PRKAG2: variants seen among roughly 807,000 people sequenced by gnomAD.
PRKAG2 encodes 5'-AMP-activated protein kinase subunit gamma-2.
PRKAG2 carries 26 observed loss-of-function variants against 69.6 expected under a neutral mutation model. That is an observed-to-expected ratio of 0.37 (90% CI 0.27 to 0.52). The LOEUF is 0.52. Among genes scored for constraint, PRKAG2 ranks in the 20% least tolerant of loss-of-function variants. PRKAG2 has a pLI of 0.90. For missense variants in PRKAG2, 557 were observed against 740.0 expected, an observed-to-expected ratio of 0.75 and a Z score of 2.87; for synonymous variants, 293 against 285.0, an observed-to-expected ratio of 1.03 and a Z score of -0.28.
intron 3 of PRKAG2, among the ~76,000 whole-genome samples, chr7:151,776,161 A>G (rs1014310067): frequency 6.6e-6 from 1 of 152,212 alleles, no homozygotes; most frequent in Admixed American, 6.5e-5. Flanking sequence ...TCTCAAGGGC[A>G]CCAACATGAG....
chr7:151,712,625 G>A (rs538593303), intron 3 of PRKAG2, among the ~76,000 whole-genome samples: 123 of 152,370 alleles, frequency 8.1e-4, no homozygotes, highest in African/African-American at 2.9e-3. Context: ...CTGGGCTGCA[G>A]GTCCAGGAGG....
intron 3 of PRKAG2, among the ~76,000 whole-genome samples, chr7:151,769,116 C>T (rs899586134): frequency 2.0e-5 from 3 of 152,202 alleles, no homozygotes; most frequent in African/African-American, 7.2e-5. Context: ...TGTTTTACTG[C>T]ATTTAAGAGT....
chr7:151,773,905 C>T lies in PRKAG2; in HGVS notation c.466+7247G>A, dbSNP rs551710943. ...TTTGTAGGCCATGGGGTCTCTGTTG[C>T]ACCTGCTCAGTTCTGCTGTTGAAGT... On this transcript the variant is annotated intron_variant, in intron 3 of 15. Transcript: ENST00000287878. Among the ~76,000 whole-genome samples the T allele has an allele frequency of 2.2e-4, 34 of 152,298 alleles. 1 individual carries two copies. In the South Asian group the frequency reaches 6.8e-3, roughly 31 times the overall value.
rs544282441 is a variant in PRKAG2, at chr7:151,850,952, G to A, written c.114+25555C>T. Among the ~76,000 whole-genome samples the A allele has an allele frequency of 2.1e-4, 32 of 152,264 alleles. No individual in the cohort carries two copies. Among genetic ancestry groups the A allele is most frequent in the Admixed American group, 1.4e-3 (22 of 15,304 alleles). ...GCCAGTCACTTGAGCTCCAAGGCAC[G>A]GCCCACAGGGGTACCCCTGCTCCCC... On this transcript the variant is annotated intron_variant, in intron 1 of 15. Coordinates refer to ENST00000287878, the MANE Select transcript of PRKAG2 (RefSeq NM_016203.4). The surrounding 1 kb of genome is among the most constrained non-coding windows in gnomAD (Gnocchi z 4.1).
intron 1 of PRKAG2, among the ~76,000 whole-genome samples, chr7:151,872,417 A>C (rs1248359937): frequency 6.6e-6 from 1 of 151,570 alleles, no homozygotes; most frequent in Admixed American, 6.5e-5. Context: ...ATGGCTTCTT[A>C]GTTCAGGTCC....
chr7:151,769,980 C>T (rs1293477234), intron 3 of PRKAG2, among the ~76,000 whole-genome samples: 1 of 152,142 alleles, frequency 6.6e-6, no homozygotes, highest in East Asian at 1.9e-4. Flanking sequence ...GCCACGGGGA[C>T]CCCAGAAAAA....
At chr7:151,867,655 C>T (rs746490368) in intron 1 of PRKAG2, among the ~76,000 whole-genome samples, 6 of 152,154 alleles carry the variant, frequency 3.9e-5, no homozygotes, top group Non-Finnish European at 8.8e-5. Context: ...TGTGGGACTT[C>T]GACCTTTTTT....
intron 5 of PRKAG2, among the ~76,000 whole-genome samples, chr7:151,624,049 G>A (rs1048174262): frequency 5.3e-5 from 8 of 151,930 alleles, no homozygotes; most frequent in Non-Finnish European, 1.2e-4. Context: ...AAAATAAAAT[G>A]AATCAGTTAG....
At chr7:151,574,972 AC>A in intron 7 of PRKAG2, 23 bp from the exon 8 acceptor site, 1 of 1,611,740 alleles carries the variant, frequency 6.2e-7, no homozygotes, top group Non-Finnish European at 8.5e-7. Flanking sequence ...ATTACATGTT[AC>A]AAATAAAACC....
At chr7:151,865,968 G>T (rs185787606) in intron 1 of PRKAG2, among the ~76,000 whole-genome samples, 3 of 150,782 alleles carry the variant, frequency 2.0e-5, no homozygotes, top group African/African-American at 7.3e-5. Flanking sequence ...TGCAGTGAGC[G>T]GAGATCGCAC....
chr7:151,557,021 G>T lies in PRKAG2; in HGVS notation c.*180C>A. On this transcript the variant is annotated 3_prime_UTR_variant, in exon 16 of 16. Transcript: ENST00000287878. ...GAAAACAGTCTTTTAATGCAAGCCT[G>T]AATCTTCAAGCACATAAAATCTTTC... 9.9e-7 allele frequency: 1 copy of T among 1,011,296 alleles called. No individual in the cohort carries two copies. Among genetic ancestry groups the T allele is most frequent in the Non-Finnish European group, 1.5e-6 (1 of 683,274 alleles). The allele number at this position is 1,011,296 out of a possible 1,614,324, so 62.6% of individuals were successfully genotyped here.
chr7:151,575,073 A>G (rs1808568161), intron 7 of PRKAG2, 124 bp from the exon 8 acceptor site: 1 of 1,329,698 alleles, frequency 7.5e-7, no homozygotes, highest in South Asian at 1.4e-5. Flanking sequence ...GATATCAAGC[A>G]GAGTTTAATA....
intron 4 of PRKAG2, among the ~76,000 whole-genome samples, chr7:151,658,439 C>T (rs910863664): frequency 2.1e-4 from 30 of 144,698 alleles, no homozygotes; most frequent in Non-Finnish European, 4.5e-5. Context: ...AAGCCAAGAT[C>T]ACGCCATTGC....
chr7:151,559,752 G>A, intron 15 of PRKAG2: 1 of 985,318 alleles, frequency 1.0e-6, no homozygotes, highest in Non-Finnish European at 1.2e-6. Context: ...GAGTTCAAAG[G>A]GCATGCTGTT....
intron 4 of PRKAG2, among the ~76,000 whole-genome samples, chr7:151,653,872 C>A (rs759851216): frequency 2.5e-4 from 38 of 152,270 alleles, no homozygotes; most frequent in Non-Finnish European, 5.1e-4. Context: ...AGACTTGGTA[C>A]ACGTCTCGCT....
chr7:151,603,985 A>T (rs1461982952), intron 5 of PRKAG2, among the ~76,000 whole-genome samples: 1 of 152,202 alleles, frequency 6.6e-6, no homozygotes, highest in Non-Finnish European at 1.5e-5. Context: ...GAGCGGTCAG[A>T]GGCTGTGCCC....
At chr7:151,661,431 C>G (rs1391693584) in intron 4 of PRKAG2, among the ~76,000 whole-genome samples, 2 of 152,146 alleles carry the variant, frequency 1.3e-5, no homozygotes, top group Admixed American at 6.6e-5. Flanking sequence ...AACCCCCCAC[C>G]TTGGCCTCCC....
rs376183074 is a variant in PRKAG2 at position 151,820,486 on chromosome 7, G to T, written c.115-33945C>A. Among the ~76,000 whole-genome samples the T allele has an allele frequency of 8.1e-5, 10 of 123,560 alleles. No individual in the cohort carries two copies. In the East Asian group the frequency reaches 2.8e-3, roughly 35 times the overall value. The allele number at this position is 123,560 out of a possible 152,430, so 81.1% of individuals were successfully genotyped here. A position where few individuals can be genotyped will look rare whatever the true frequency, so the allele number is the denominator to read the frequency against. On this transcript the variant is annotated intron_variant, in intron 1 of 15. Transcript: ENST00000287878. ...GCTTCTGCAGGGCACACTCTACTCGGAACACCGCTCCGTGGCCTGGCCCCT... is the reference window on the plus strand; with the variant it reads ...GCTTCTGCAGGGCACACTCTACTCGTAACACCGCTCCGTGGCCTGGCCCCT...
At chr7:151,763,571 C>T (rs1563619704) in intron 3 of PRKAG2, among the ~76,000 whole-genome samples, 1 of 152,230 alleles carries the variant, frequency 6.6e-6, no homozygotes, top group Non-Finnish European at 1.5e-5. Flanking sequence ...GCTTTCCTTC[C>T]CTTCCTGGCT....
Sources: allele counts gnomAD v4.1 joint callset (sites outside exome capture counted in the v4.1 genomes callset), GRCh38; gene constraint gnomAD v4.1.1; non-coding constraint Gnocchi (gnomAD v3.1); transcripts MANE v1.5; gene names NCBI Gene and HGNC (gene_info 2026-07-23, HGNC 2026-07-21).